KCTD16: variants seen among roughly 807,000 people sequenced by gnomAD.
The protein encoded by KCTD16 is potassium channel tetramerization domain containing 16, also known as BTB/POZ domain-containing protein KCTD16.
KCTD16 carries 13 observed loss-of-function variants against 33.2 expected under a neutral mutation model. That is an observed-to-expected ratio of 0.39 (90% CI 0.25 to 0.62). The LOEUF (loss-of-function observed/expected upper bound fraction) is 0.62, where lower values mean the gene tolerates loss of function less well. Ranked by LOEUF, KCTD16 falls within the 20% of genes least tolerant of loss-of-function variation. KCTD16 has a pLI of 0.50. For missense variants in KCTD16, 441 were observed against 525.1 expected (o/e 0.84, Z 1.57); for synonymous variants, 197 against 195.3 (o/e 1.01, Z -0.07).
rs1561558703 is a variant in KCTD16 at position 144,299,131 on chromosome 5, TA to T, written c.832+91586del. On this transcript the variant is annotated intron_variant, in intron 3 of 3. Transcript: ENST00000512467. ...ATATATATATATATATATATATATATATATATATATATATATATTTTTTTTT... is the reference window on the plus strand; with the variant it reads ...ATATATATATATATATATATATATATTATATATATATATATATTTTTTTTT... 1.3e-3 allele frequency among the ~76,000 whole-genome samples: 40 copies of T among 30,248 alleles called. 1 individual carries two copies. The highest frequency in any genetic ancestry group is 4.1e-3 in the African/African-American group (12 of 2,930). 19.8% of individuals were successfully genotyped at this position (30,248 alleles called of 152,430 possible). A position where few individuals can be genotyped will look rare whatever the true frequency, so the allele number is the denominator to read the frequency against.
At position 144,219,513 on chromosome 5, in the gene KCTD16, C is replaced by CTTTTTTTTTTTT. The variant is rs59442398; in HGVS notation, c.832+11981_832+11992dup. Among the ~76,000 whole-genome samples, 21 of 77,128 alleles carry CTTTTTTTTTTTT rather than the reference C, an allele frequency of 2.7e-4. 3 individuals are homozygous for CTTTTTTTTTTTT. Among genetic ancestry groups the CTTTTTTTTTTTT allele is most frequent in the Non-Finnish European group, 4.6e-4 (20 of 43,230 alleles). The allele number at this position is 77,128 out of a possible 152,430, so 50.6% of individuals were successfully genotyped here. ...ACAGGCATGAGCCACTGTGCTGGGC[C>CTTTTTTTTTTTT]TTTTTTTTTTTTTTTTTTTTTTTTT... On this transcript the variant is annotated intron_variant, in intron 3 of 3. Transcript: ENST00000512467.
chr5:144,458,356 C>T (rs1325434676), intron 3 of KCTD16, among the ~76,000 whole-genome samples: 2 of 152,124 alleles, frequency 1.3e-5, no homozygotes, highest in African/African-American at 4.8e-5. Flanking sequence ...CCAGGCAAAA[C>T]CACCTTTCTT....
intron 3 of KCTD16, among the ~76,000 whole-genome samples, chr5:144,331,277 A>G (rs1752352527): frequency 6.6e-6 from 1 of 152,112 alleles, no homozygotes; most frequent in African/African-American, 2.4e-5. Context: ...GCTAAAAAGA[A>G]CTCCTCAAAT....
rs574378934 is a variant in KCTD16 at position 144,218,356 on chromosome 5, T to C, written c.832+10810T>C. The stretch of plus-strand genomic sequence containing the variant: ...TTAATACTTAGAGAGGAGAAAATAT[T>C]TAAATCTTTTTTGCATTTTTTGACT... On this transcript the variant is annotated intron_variant, in intron 3 of 3. Coordinates refer to ENST00000512467, the MANE Select transcript of KCTD16 (RefSeq NM_020768.4). 2.6e-5 allele frequency among the ~76,000 whole-genome samples: 4 copies of C among 152,300 alleles called. No homozygotes were observed. In the South Asian group the frequency reaches 8.3e-4, roughly 32 times the overall value.
intron 3 of KCTD16, among the ~76,000 whole-genome samples, chr5:144,347,870 T>C (rs1052050021): frequency 1.4e-4 from 22 of 152,248 alleles, no homozygotes; most frequent in African/African-American, 5.3e-4. Context: ...ACGACCCTGC[T>C]GAGATCTGCC....
In KCTD16 at chr5:144,480,834, T is replaced by G. The variant is rs1318772325; in HGVS notation, c.*6720T>G. On this transcript the variant is annotated 3_prime_UTR_variant, in exon 4 of 4. Transcript: ENST00000512467. ...AGCTTGAGAAACTCTAAATTAAGCATGAGTTTAAATTTGTCAAGGCATTTT... is the reference window on the plus strand; with the variant it reads ...AGCTTGAGAAACTCTAAATTAAGCAGGAGTTTAAATTTGTCAAGGCATTTT... 1 of 151,886 alleles carries G rather than the reference T, an allele frequency of 6.6e-6. No individual in the cohort carries two copies. Among genetic ancestry groups the G allele is most frequent in the Admixed American group, 6.6e-5 (1 of 15,212 alleles). 9.4% of individuals were successfully genotyped at this position (151,886 alleles called of 1,614,324 possible). A position where few individuals can be genotyped will look rare whatever the true frequency, so the allele number is the denominator to read the frequency against.
intron 3 of KCTD16, among the ~76,000 whole-genome samples, chr5:144,299,044 C>CTATATATATATATA (rs10589565): frequency 2.2e-3 from 78 of 35,928 alleles, no homozygotes; most frequent in Non-Finnish European, 2.7e-3. Flanking sequence ...AAACAGATCA[C>CTATATATATATATA]TATATATATA....
chr5:144,290,516 T>A (rs9324949), intron 3 of KCTD16, among the ~76,000 whole-genome samples: 32,615 of 152,166 alleles, frequency 0.21, 3,944 homozygotes, highest in Non-Finnish European at 0.28. Flanking sequence ...GTGCTTTAAT[T>A]CTTCCCAATT....
At chr5:144,270,109 G>A (rs1009873165) in intron 3 of KCTD16, among the ~76,000 whole-genome samples, 7 of 151,834 alleles carry the variant, frequency 4.6e-5, no homozygotes, top group African/African-American at 1.7e-4. Flanking sequence ...AAAATAAATA[G>A]CAAAATGACA....
At chr5:144,351,829 G>A (rs145962332) in intron 3 of KCTD16, among the ~76,000 whole-genome samples, 2 of 152,228 alleles carry the variant, frequency 1.3e-5, no homozygotes, top group Non-Finnish European at 2.9e-5. Flanking sequence ...ACTTATATGT[G>A]GAGTGTGAAA....
intron 3 of KCTD16, among the ~76,000 whole-genome samples, chr5:144,411,899 T>A (rs1752940795): frequency 6.6e-6 from 1 of 152,064 alleles, no homozygotes; most frequent in Non-Finnish European, 1.5e-5. Flanking sequence ...GATATACAAA[T>A]GGCCAGCACA....
chr5:144,275,834 C>T (rs1561550514), intron 3 of KCTD16, among the ~76,000 whole-genome samples: 2 of 152,164 alleles, frequency 1.3e-5, no homozygotes, highest in East Asian at 3.9e-4. Flanking sequence ...TTCTTAAGAA[C>T]AATGTGAAGT....
chr5:144,255,609 A>G (rs1754824136), intron 3 of KCTD16, among the ~76,000 whole-genome samples: 1 of 152,170 alleles, frequency 6.6e-6, no homozygotes, highest in Non-Finnish European at 1.5e-5. Flanking sequence ...GGCCATTTGC[A>G]TATCTTCTTT....
intron 3 of KCTD16, among the ~76,000 whole-genome samples, chr5:144,466,300 C>G (rs895406437): frequency 6.7e-6 from 1 of 150,082 alleles, no homozygotes; most frequent in African/African-American, 2.5e-5. Flanking sequence ...TGATTGCTAC[C>G]AAGGCAGCCC....
chr5:144,279,830 T>A (rs1268228137), intron 3 of KCTD16, among the ~76,000 whole-genome samples: 3 of 152,246 alleles, frequency 2.0e-5, no homozygotes, highest in Admixed American at 6.5e-5. Flanking sequence ...GGGAGACACA[T>A]TCAAGCCATA....
chr5:144,181,448 A>G (rs1384212010), intron 2 of KCTD16, among the ~76,000 whole-genome samples: 3 of 152,168 alleles, frequency 2.0e-5, no homozygotes, highest in African/African-American at 4.8e-5. Flanking sequence ...TCAAATCAGC[A>G]CCTTATAGAG....
At chr5:144,407,865 G>A (rs1050994091) in intron 3 of KCTD16, among the ~76,000 whole-genome samples, 3 of 152,152 alleles carry the variant, frequency 2.0e-5, no homozygotes, top group African/African-American at 7.2e-5. Context: ...CCCTGCAAAG[G>A]ACATGATCTC....
chr5:144,279,777 A>G (rs1412986543), intron 3 of KCTD16, among the ~76,000 whole-genome samples: 1 of 152,246 alleles, frequency 6.6e-6, no homozygotes, highest in Non-Finnish European at 1.5e-5. Context: ...ACTTCTTAAC[A>G]TTATTGCATT....
intron 3 of KCTD16, among the ~76,000 whole-genome samples, chr5:144,317,252 C>T (rs1174066281): frequency 1.3e-5 from 2 of 152,000 alleles, no homozygotes; most frequent in African/African-American, 4.8e-5. Flanking sequence ...AATCTAAAGC[C>T]ACTCCCTTGA....
Sources: allele counts gnomAD v4.1 joint callset (sites outside exome capture counted in the v4.1 genomes callset), GRCh38; gene constraint gnomAD v4.1.1; transcripts MANE v1.5; gene names NCBI Gene and HGNC (gene_info 2026-07-23, HGNC 2026-07-21).